Variants in OLFM3 observed in about 807,000 individuals in gnomAD.
The protein encoded by OLFM3 is noelin-3.
A neutral mutation model predicts 48.6 loss-of-function variants in OLFM3; 20 were observed. The observed-to-expected ratio is 0.41, with a 90% CI of 0.29 to 0.60. The LOEUF (loss-of-function observed/expected upper bound fraction) is 0.60, where lower values mean the gene tolerates loss of function less well. OLFM3 is among the 20% of genes least tolerant of loss of function. The pLI is 0.28. For synonymous variants in OLFM3, 222 were observed against 198.1 expected, an observed-to-expected ratio of 1.12 and a Z score of -1.01; for missense variants, 437 against 544.3, an observed-to-expected ratio of 0.80 and a Z score of 1.96.
rs568758736 is a variant in OLFM3 at position 101,857,512 on chromosome 1, C to T, written c.70-20487G>A. On this transcript the variant is annotated intron_variant, in intron 1 of 5. Coordinates refer to ENST00000370103, the MANE Select transcript of OLFM3 (RefSeq NM_058170.4). ...TATATACATTATATAAACATTGTAA[C>T]GTGAGGAGTGTTAATATATTTACCA... Among the ~76,000 whole-genome samples the T allele has an allele frequency of 9.3e-4, 142 of 151,908 alleles. 5 individuals carry two copies. Among genetic ancestry groups the T allele is most frequent in the African/African-American group, 3.3e-3 (135 of 41,370 alleles).
At chr1:101,982,265 T>G (rs1432333684) in intron 1 of OLFM3, among the ~76,000 whole-genome samples, 1 of 152,148 alleles carries the variant, frequency 6.6e-6, no homozygotes, top group Non-Finnish European at 1.5e-5. Context: ...CAGCATAATT[T>G]CAACAAGCAG....
intron 1 of OLFM3, among the ~76,000 whole-genome samples, chr1:101,867,958 C>A (rs1300970224): frequency 6.6e-6 from 1 of 152,140 alleles, no homozygotes; most frequent in Non-Finnish European, 1.5e-5. Flanking sequence ...AAGGGGCTCC[C>A]AATTTGCCCA....
At chr1:101,824,229 A>T (rs943171173) in intron 4 of OLFM3, among the ~76,000 whole-genome samples, 2 of 152,224 alleles carry the variant, frequency 1.3e-5, no homozygotes, top group South Asian at 2.1e-4. Flanking sequence ...ATATCGCATC[A>T]TGTCAACAAC....
chr1:101,812,525 T>C, intron 4 of OLFM3: 1 of 985,388 alleles, frequency 1.0e-6, no homozygotes, highest in Non-Finnish European at 1.2e-6. Context: ...TGTTGATTAG[T>C]TGAAACCTGA....
intron 1 of OLFM3, among the ~76,000 whole-genome samples, chr1:101,863,089 T>C (rs1316499020): frequency 1.3e-5 from 2 of 152,018 alleles, no homozygotes; most frequent in Non-Finnish European, 2.9e-5. Flanking sequence ...GCCTCCCAAG[T>C]AGCTGAGATT....
At chr1:101,832,028 G>A (rs185994646) in intron 2 of OLFM3, among the ~76,000 whole-genome samples, 1 of 151,982 alleles carries the variant, frequency 6.6e-6, no homozygotes, top group Admixed American at 6.5e-5. Context: ...TCAGTCTCCT[G>A]AGTAGCTGGG....
chr1:101,888,717 T>C (rs1657869930), intron 1 of OLFM3, among the ~76,000 whole-genome samples: 1 of 152,092 alleles, frequency 6.6e-6, no homozygotes, highest in African/African-American at 2.4e-5. Flanking sequence ...ACAGGCAACC[T>C]ACAGAATGGG....
intron 1 of OLFM3, among the ~76,000 whole-genome samples, chr1:101,857,621 C>T (rs1656479391): frequency 6.6e-6 from 1 of 151,826 alleles, no homozygotes; most frequent in Non-Finnish European, 1.5e-5. Flanking sequence ...CTTCTCTCTT[C>T]CTGCCTTCCT....
intron 1 of OLFM3, among the ~76,000 whole-genome samples, chr1:101,896,014 C>A (rs1031188774): frequency 2.7e-5 from 4 of 147,290 alleles, no homozygotes; most frequent in Non-Finnish European, 4.5e-5. Flanking sequence ...TAAAAGTATG[C>A]ATAGTATTTG....
intron 3 of OLFM3, among the ~76,000 whole-genome samples, chr1:101,827,165 G>A (rs1030674478): frequency 2.0e-5 from 3 of 152,186 alleles, no homozygotes; most frequent in Admixed American, 1.3e-4. Context: ...TTACATCCAA[G>A]TTCTTAGCTA....
At chr1:101,874,388 A>T (rs897834620) in intron 1 of OLFM3, among the ~76,000 whole-genome samples, 7 of 151,940 alleles carry the variant, frequency 4.6e-5, no homozygotes, top group Non-Finnish European at 8.8e-5. Flanking sequence ...AGAATGGAAG[A>T]TCTAATATGT....
At chr1:101,844,041 C>T (rs911485821) in intron 1 of OLFM3, among the ~76,000 whole-genome samples, 2 of 152,112 alleles carry the variant, frequency 1.3e-5, no homozygotes, top group Non-Finnish European at 2.9e-5. Flanking sequence ...ACCTAGTGAG[C>T]CAGGGAGCTG....
Position 101,953,540 on chromosome 1 carries a change from C to T in OLFM3, c.69+43208G>A, listed in dbSNP as rs182610906. Among the ~76,000 whole-genome samples the T allele has an allele frequency of 2.6e-3, 401 of 152,242 alleles. 3 individuals carry two copies. Among genetic ancestry groups the T allele is most frequent in the African/African-American group, 9.2e-3 (384 of 41,536 alleles). On this transcript the variant is annotated intron_variant, in intron 1 of 5. Transcript: ENST00000370103. Reference sequence around the variant, plus strand: ...CTTCTCTTTATCTGCCTTTCTGCCCCTTCTTGCTATGAATCAGGCAAGCCC... The same window carrying T: ...CTTCTCTTTATCTGCCTTTCTGCCCTTTCTTGCTATGAATCAGGCAAGCCC...
At chr1:101,926,894 A>T (rs913512825) in intron 1 of OLFM3, among the ~76,000 whole-genome samples, 2 of 152,136 alleles carry the variant, frequency 1.3e-5, no homozygotes, top group Non-Finnish European at 2.9e-5. Context: ...ATGCATTTCT[A>T]AAAAAGAAGT....
At position 101,863,046 on chromosome 1, in the gene OLFM3, C is replaced by T. The variant is rs113334072; in HGVS notation, c.70-26021G>A. ...TGCTCTGTCAGCTCATTGTAACCTC[C>T]GCCTCCCATGTTGAAGCAATTCTCA... On this transcript the variant is annotated intron_variant, in intron 1 of 5. Coordinates refer to ENST00000370103, the MANE Select transcript of OLFM3 (RefSeq NM_058170.4). 8.0e-3 allele frequency among the ~76,000 whole-genome samples: 1,215 copies of T among 151,242 alleles called. 10 individuals are homozygous for T. The highest frequency in any genetic ancestry group is 0.01 in the Non-Finnish European group (692 of 67,884).
At position 101,906,414 on chromosome 1, in the gene OLFM3, C is replaced by T. The variant is rs142320715; in HGVS notation, c.70-69389G>A. ...ATTTTATTTCATATCTTTTATGTTA[C>T]CAAAGAGATTATCTTAGAAATAATT... On this transcript the variant is annotated intron_variant, in intron 1 of 5. Coordinates refer to ENST00000370103, the MANE Select transcript of OLFM3 (RefSeq NM_058170.4). Among the ~76,000 whole-genome samples, 196 of 152,034 alleles carry T rather than the reference C, an allele frequency of 1.3e-3. 2 individuals carry two copies. Among genetic ancestry groups the T allele is most frequent in the South Asian group, 5.6e-3 (27 of 4,806 alleles).
chr1:101,946,150 G>C (rs1293279612), intron 1 of OLFM3, among the ~76,000 whole-genome samples: 1 of 152,058 alleles, frequency 6.6e-6, no homozygotes, highest in African/African-American at 2.4e-5. Flanking sequence ...AAATACTGCA[G>C]AAGGTAAAAG....
chr1:101,846,553 A>AT (rs576421952), intron 1 of OLFM3, among the ~76,000 whole-genome samples: 184 of 152,102 alleles, frequency 1.2e-3, no homozygotes, highest in African/African-American at 4.1e-3. Context: ...ATATATATAT[A>AT]TATTTTTAAG....
At chr1:101,986,110 C>G (rs1339287848) in intron 1 of OLFM3, among the ~76,000 whole-genome samples, 2 of 151,780 alleles carry the variant, frequency 1.3e-5, no homozygotes, top group African/African-American at 4.8e-5. Flanking sequence ...GGACTACAGG[C>G]GCCCGCCACC....
Sources: allele counts gnomAD v4.1 joint callset (sites outside exome capture counted in the v4.1 genomes callset), GRCh38; gene constraint gnomAD v4.1.1; transcripts MANE v1.5; gene names NCBI Gene and HGNC (gene_info 2026-07-23, HGNC 2026-07-21).